The following DERA variants were observed in gnomAD, a reference collection of about 807,000 sequenced individuals.
DERA encodes 2-deoxy-D-ribose 5-phosphate aldolase.
DERA carries 15 observed loss-of-function variants against 41.1 expected under a neutral mutation model. That is an observed-to-expected ratio of 0.37 (90% CI 0.24 to 0.56). The LOEUF (loss-of-function observed/expected upper bound fraction) is 0.56. Among genes scored for constraint, DERA ranks in the 20% least tolerant of loss-of-function variants. The pLI, the probability that DERA is intolerant of heterozygous loss-of-function variation, is 0.81. For synonymous variants in DERA, 139 were observed against 137.4 expected, an observed-to-expected ratio of 1.01 and a Z score of -0.08; for missense variants, 396 against 403.4, an observed-to-expected ratio of 0.98 and a Z score of 0.16.
At chr12:15,945,726 C>G (rs1262696992) in intron 1 of DERA, among the ~76,000 whole-genome samples, 1 of 152,182 alleles carries the variant, frequency 6.6e-6, no homozygotes, top group South Asian at 2.1e-4. Context: ...ATTTCTTTCT[C>G]CTGCCTGATT....
intron 1 of DERA, among the ~76,000 whole-genome samples, chr12:15,919,144 TC>T (rs1948223422): frequency 6.6e-6 from 1 of 152,144 alleles, no homozygotes; most frequent in Admixed American, 6.5e-5. Flanking sequence ...GATGAGGCTG[TC>T]TTTTATTATT....
At position 15,915,083 on chromosome 12, in the gene DERA, C is replaced by G. The variant is rs540576285; in HGVS notation, c.31+3669C>G. The stretch of plus-strand genomic sequence containing the variant: ...GTAGTATTACCCTAGGCTGGGGGTA[C>G]AAGATAATCAGGGATGGTCACTGCC... On this transcript the variant is annotated intron_variant, in intron 1 of 8. Transcript: ENST00000428559. This position sits in a 1 kb window ranked among gnomAD's most constrained non-coding sequence, Gnocchi z 4.8. Among the ~76,000 whole-genome samples the G allele has an allele frequency of 1.2e-4, 19 of 152,098 alleles. No homozygotes were observed. Among genetic ancestry groups the G allele is most frequent in the Non-Finnish European group, 2.5e-4 (17 of 68,024 alleles).
chr12:15,912,193 C>T (rs1019424004), intron 1 of DERA, among the ~76,000 whole-genome samples: 3 of 152,030 alleles, frequency 2.0e-5, no homozygotes, highest in Admixed American at 6.6e-5. Flanking sequence ...TCCCTGGGTA[C>T]TTAAGATTAG....
At chr12:15,932,639 T>C (rs1240518652) in intron 1 of DERA, among the ~76,000 whole-genome samples, 1 of 150,936 alleles carries the variant, frequency 6.6e-6, no homozygotes, top group Non-Finnish European at 1.5e-5. Context: ...GAGAACCTGT[T>C]TAAAAAAAAA....
Position 15,921,499 on chromosome 12 carries a change from A to G in DERA, c.31+10085A>G, listed in dbSNP as rs1433253669. Among the ~76,000 whole-genome samples the G allele has an allele frequency of 6.6e-6, 1 of 152,226 alleles. No individual in the cohort carries two copies. The highest frequency in any genetic ancestry group is 1.5e-5 in the Non-Finnish European group (1 of 68,044). On this transcript the variant is annotated intron_variant, in intron 1 of 8. Coordinates refer to ENST00000428559, the MANE Select transcript of DERA (RefSeq NM_015954.4). The surrounding 1 kb of genome is among the most constrained non-coding windows in gnomAD (Gnocchi z 5.3). The stretch of plus-strand genomic sequence containing the variant: ...TGGATTAAGTTTGTATTTTGGACTC[A>G]GGGAAGAAAGTAGGTTGTAACAATT...
intron 5 of DERA, among the ~76,000 whole-genome samples, chr12:15,978,399 T>C (rs1948712758): frequency 1.3e-5 from 2 of 152,138 alleles, no homozygotes; most frequent in South Asian, 4.1e-4. Context: ...TTTCTGGAAG[T>C]GTATAAGGGA....
At chr12:15,980,946 A>C (rs1244226361) in intron 5 of DERA, among the ~76,000 whole-genome samples, 1 of 152,150 alleles carries the variant, frequency 6.6e-6, no homozygotes, top group African/African-American at 2.4e-5. Flanking sequence ...AATGTACTTT[A>C]CTAAGCCTGT....
At chr12:15,968,084 TTC>T (rs1483121386) in intron 5 of DERA, among the ~76,000 whole-genome samples, 2 of 135,762 alleles carry the variant, frequency 1.5e-5, no homozygotes, top group Non-Finnish European at 3.3e-5. Context: ...TTTCTTCTTC[TTC>T]TTTTTTTTTT....
intron 1 of DERA, among the ~76,000 whole-genome samples, chr12:15,929,752 C>T (rs949963642): frequency 2.0e-5 from 3 of 152,184 alleles, no homozygotes; most frequent in Admixed American, 6.5e-5. Flanking sequence ...ACAGTAGCTA[C>T]ACAACAAATC....
At position 15,982,529 on chromosome 12, in the gene DERA, G is replaced by C. The variant is rs887385462; in HGVS notation, c.637+93G>C. On this transcript the variant is annotated intron_variant, in intron 6 of 8. Coordinates refer to ENST00000428559, the MANE Select transcript of DERA (RefSeq NM_015954.4). The surrounding 1 kb of genome is among the most constrained non-coding windows in gnomAD (Gnocchi z 4.0). ...AAAGCATTTAGCTATTATTAAACGTGCTAACCACTTGGAATTTTTTTGCGG... is the reference window on the plus strand; with the variant it reads ...AAAGCATTTAGCTATTATTAAACGTCCTAACCACTTGGAATTTTTTTGCGG... 16 of 1,368,580 alleles carry C rather than the reference G, an allele frequency of 1.2e-5. No homozygotes were observed. The Admixed American group carries it at 3.3e-4, about 28-fold the overall frequency. 84.8% of individuals were successfully genotyped at this position (1,368,580 alleles called of 1,614,324 possible).
At chr12:15,952,433 C>T (rs543811459) in intron 1 of DERA, among the ~76,000 whole-genome samples, 2 of 152,174 alleles carry the variant, frequency 1.3e-5, no homozygotes, top group Admixed American at 1.3e-4. Flanking sequence ...TCTTCTCTGA[C>T]TTCTGGTCAC....
chr12:15,949,683 C>G (rs1948482028), intron 1 of DERA, among the ~76,000 whole-genome samples: 1 of 152,180 alleles, frequency 6.6e-6, no homozygotes, highest in Non-Finnish European at 1.5e-5. Context: ...TCGGCTCACG[C>G]TCAGTGGGCT....
rs1241475430 is a variant in DERA, at chr12:15,966,878, C to G, written c.508+3931C>G. On this transcript the variant is annotated intron_variant, in intron 5 of 8. Transcript: ENST00000428559. The surrounding 1 kb of genome is among the most constrained non-coding windows in gnomAD (Gnocchi z 5.1). ...CTGATTTCAGTTACATTCCTTATGG[C>G]AAAGACAACCAAACCTCCTGAGCAC... Among the ~76,000 whole-genome samples, 2 of 152,106 alleles carry G rather than the reference C, an allele frequency of 1.3e-5. No individual in the cohort carries two copies. Among genetic ancestry groups the G allele is most frequent in the African/African-American group, 4.8e-5 (2 of 41,416 alleles).
intron 1 of DERA, among the ~76,000 whole-genome samples, chr12:15,952,755 G>A (rs759202056): frequency 6.6e-6 from 1 of 152,198 alleles, no homozygotes; most frequent in Non-Finnish European, 1.5e-5. Context: ...AGGCACAAGT[G>A]TGTGGCTCCT....
At chr12:16,025,148 A>G (rs906126089) in intron 6 of DERA, among the ~76,000 whole-genome samples, 5 of 152,162 alleles carry the variant, frequency 3.3e-5, no homozygotes, top group Non-Finnish European at 7.4e-5. Flanking sequence ...AATAGGTGTC[A>G]AAATTAACCA....
intron 6 of DERA, among the ~76,000 whole-genome samples, chr12:16,024,663 C>A (rs987301373): frequency 6.6e-6 from 1 of 150,692 alleles, no homozygotes; most frequent in African/African-American, 2.5e-5. Context: ...GCTCTGTCAG[C>A]TGTAATCCAC....
intron 1 of DERA, among the ~76,000 whole-genome samples, chr12:15,955,321 TG>T (rs1472271201): frequency 1.3e-5 from 2 of 149,376 alleles, no homozygotes; most frequent in Non-Finnish European, 3.0e-5. Flanking sequence ...GAGGCTCCCC[TG>T]CGTTTGAGTA....
In DERA at chr12:15,936,896, C is replaced by CCG. The variant is rs1948369867; in HGVS notation, c.32-20040_32-20039insCG. Among the ~76,000 whole-genome samples, 4 of 137,442 alleles carry CCG rather than the reference C, an allele frequency of 2.9e-5. No homozygotes were observed. Among genetic ancestry groups the CCG allele is most frequent in the African/African-American group, 9.4e-5 (3 of 32,072 alleles). The allele number at this position is 137,442 out of a possible 152,430, so 90.2% of individuals were successfully genotyped here. ...TTGTCTTGTCTTGTCTTGTCCTGTC[C>CCG]TGTCCTGTCCTGTCCTGTCCTGTCC... On this transcript the variant is annotated intron_variant, in intron 1 of 8. Transcript: ENST00000428559. The surrounding 1 kb of genome is among the most constrained non-coding windows in gnomAD (Gnocchi z 4.6).
Position 16,036,773 on chromosome 12 carries a change from T to C in DERA, c.*27T>C, listed in dbSNP as rs751519138. Reference sequence around the variant, plus strand: ...TCAGTCACCAGTTCCAGAAAAGTTCTTTACGACAATGTTTAAAAATTATTT... The same window carrying C: ...TCAGTCACCAGTTCCAGAAAAGTTCCTTACGACAATGTTTAAAAATTATTT... On this transcript the variant is annotated 3_prime_UTR_variant, in exon 9 of 9. Coordinates refer to ENST00000428559, the MANE Select transcript of DERA (RefSeq NM_015954.4). The surrounding 1 kb of genome is among the most constrained non-coding windows in gnomAD (Gnocchi z 4.9). 4.6e-6 allele frequency: 7 copies of C among 1,511,182 alleles called. No homozygotes were observed. The South Asian group carries it at 8.6e-5, about 18-fold the overall frequency. The allele number at this position is 1,511,182 out of a possible 1,614,324, so 93.6% of individuals were successfully genotyped here. A position where few individuals can be genotyped will look rare whatever the true frequency, so the allele number is the denominator to read the frequency against.
Sources: gnomAD v4.1 joint callset for allele counts (sites outside exome capture counted in the v4.1 genomes callset) on GRCh38, gnomAD v4.1.1 for gene constraint, Gnocchi (gnomAD v3.1) non-coding constraint, MANE v1.5 for transcripts, NCBI Gene and HGNC (gene_info 2026-07-23, HGNC 2026-07-21) for gene names.